NWD2: variants seen among roughly 807,000 people sequenced by gnomAD.
NWD2 encodes NACHT and WD repeat domain containing 2, also known as NACHT and WD repeat domain-containing protein 2.
In NWD2, 37 loss-of-function variants were observed where a neutral mutation model predicts 132.7. The ratio of observed to expected loss-of-function variants is 0.28; its 90% CI spans 0.21 to 0.37. The LOEUF (loss-of-function observed/expected upper bound fraction) is 0.37. NWD2 is among the 10% of genes least tolerant of loss of function. The pLI is 1.00. For missense variants in NWD2, 1,592 were observed against 2,122.4 expected (o/e 0.75, Z 4.91); for synonymous variants, 705 against 803.0 (o/e 0.88, Z 2.06).
At chr4:37,356,594 A>G in intron 3 of NWD2, 112 bp downstream of exon 3, 2 of 673,114 alleles carry the variant, frequency 3.0e-6, no homozygotes, top group Admixed American at 2.5e-5. Context: ...AGACTTTTTT[A>G]TGTCTATTTA....
chr4:37,445,657 T>C lies in NWD2; in HGVS notation c.3669T>C (p.Ala1223=), dbSNP rs530122686. Residue 1223 remains alanine, a synonymous_variant, in exon 7 of 7, where the codon GCT becomes GCC. Transcript: ENST00000309447. This position sits in a 1 kb window ranked among gnomAD's most constrained non-coding sequence, Gnocchi z 4.7. The part of the protein sequence containing the change: ...ELLDTGLWKV[A]EKFRAKHNER... ...TAGATACTGGTCTGTGGAAGGTGGC[T>C]GAAAAGTTCAGAGCCAAGCACAACG... 2.6e-6 allele frequency: 4 copies of C among 1,552,218 alleles called. No individual in the cohort carries two copies. In the South Asian group the frequency reaches 4.8e-5, roughly 18 times the overall value.
intron 4 of NWD2, among the ~76,000 whole-genome samples, chr4:37,432,763 C>T (rs1039310907): frequency 2.0e-5 from 3 of 152,148 alleles, no homozygotes; most frequent in African/African-American, 7.2e-5. Context: ...GAGACTGATT[C>T]ATGCTTGAGC....
intron 2 of NWD2, among the ~76,000 whole-genome samples, chr4:37,347,435 G>C (rs1300444585): frequency 1.3e-5 from 2 of 151,906 alleles, no homozygotes; most frequent in African/African-American, 4.8e-5. Context: ...CATCTGATCT[G>C]TTTACAGTTT....
chr4:37,358,190 G>A (rs1552022), intron 3 of NWD2, among the ~76,000 whole-genome samples: 143,073 of 152,174 alleles, frequency 0.94, 67,922 homozygotes, highest in East Asian at 1. Flanking sequence ...GTTTTACCTC[G>A]AGTGACAGGA....
At chr4:37,430,184 C>A (rs1443631630) in intron 3 of NWD2, among the ~76,000 whole-genome samples, 1 of 152,118 alleles carries the variant, frequency 6.6e-6, no homozygotes, top group Non-Finnish European at 1.5e-5. Context: ...CTTGACAGAG[C>A]AGTTCTTTGG....
At chr4:37,373,951 C>T (rs913902755) in intron 3 of NWD2, among the ~76,000 whole-genome samples, 4 of 152,150 alleles carry the variant, frequency 2.6e-5, no homozygotes, top group Non-Finnish European at 4.4e-5. Flanking sequence ...GCAGAGGACT[C>T]GAGACTGAAA....
chr4:37,307,566 C>G (rs898360434), intron 1 of NWD2, among the ~76,000 whole-genome samples: 2 of 152,168 alleles, frequency 1.3e-5, no homozygotes, highest in East Asian at 3.9e-4. Flanking sequence ...TTCTCATTTT[C>G]TCTTTGACTT....
At chr4:37,296,213 T>C (rs947642066) in intron 1 of NWD2, among the ~76,000 whole-genome samples, 3 of 152,212 alleles carry the variant, frequency 2.0e-5, no homozygotes, top group Non-Finnish European at 2.9e-5. Context: ...TTCCTAAGGC[T>C]GTGGGGTGCC....
chr4:37,246,332 C>A (rs758693284), intron 1 of NWD2, among the ~76,000 whole-genome samples: 3 of 152,020 alleles, frequency 2.0e-5, no homozygotes, highest in Middle Eastern at 3.2e-3. Flanking sequence ...ATTACCGTTT[C>A]GGAAAAAATA....
chr4:37,294,311 C>T (rs1356160244), intron 1 of NWD2, among the ~76,000 whole-genome samples: 2 of 152,112 alleles, frequency 1.3e-5, no homozygotes, highest in Non-Finnish European at 2.9e-5. Context: ...TAGGTTATTT[C>T]AGAGAAATCC....
chr4:37,435,609 T>C (rs1421175564), intron 5 of NWD2, among the ~76,000 whole-genome samples: 1 of 152,002 alleles, frequency 6.6e-6, no homozygotes, highest in Admixed American at 6.5e-5. Context: ...AGCTTTCCTA[T>C]TATTTATGTA....
At chr4:37,283,451 T>C (rs997365211) in intron 1 of NWD2, among the ~76,000 whole-genome samples, 9 of 152,218 alleles carry the variant, frequency 5.9e-5, no homozygotes, top group Non-Finnish European at 1.3e-4. Context: ...TAGTTCTGTC[T>C]TATGATAATT....
chr4:37,399,869 A>C (rs1049490249), intron 3 of NWD2, among the ~76,000 whole-genome samples: 1 of 152,158 alleles, frequency 6.6e-6, no homozygotes, highest in East Asian at 1.9e-4. Context: ...AAGAATCAAA[A>C]ATTCTAGGGA....
intron 1 of NWD2, among the ~76,000 whole-genome samples, chr4:37,305,926 T>C (rs1042885938): frequency 5.9e-5 from 9 of 152,178 alleles, no homozygotes; most frequent in Non-Finnish European, 1.3e-4. Context: ...GAATTGTTGT[T>C]AGTCCTTTAA....
intron 1 of NWD2, among the ~76,000 whole-genome samples, chr4:37,312,953 C>T (rs1718880292): frequency 6.6e-6 from 1 of 151,136 alleles, no homozygotes; most frequent in Admixed American, 6.5e-5. Flanking sequence ...TATATTGAAC[C>T]AGCCTTGCAT....
chr4:37,271,839 C>G (rs917820348), intron 1 of NWD2, among the ~76,000 whole-genome samples: 8 of 151,746 alleles, frequency 5.3e-5, no homozygotes, highest in African/African-American at 1.9e-4. Flanking sequence ...TTCCTTTTAT[C>G]TTGAAGGACT....
chr4:37,245,012 G>A lies in NWD2; in HGVS notation c.-56G>A, dbSNP rs905571741. 5.2e-6 allele frequency: 8 copies of A among 1,536,596 alleles called. No individual in the cohort carries two copies. The highest frequency in any genetic ancestry group is 7.0e-6 in the Non-Finnish European group (8 of 1,145,312). ...AGCCGTTCCGTGGAGCTGCGGGCAGGAACCCGAGGAGCAGGAGGTGGCGGC... is the reference window on the plus strand; with the variant it reads ...AGCCGTTCCGTGGAGCTGCGGGCAGAAACCCGAGGAGCAGGAGGTGGCGGC... On this transcript the variant is annotated 5_prime_UTR_variant, in exon 1 of 7. Coordinates refer to ENST00000309447, the MANE Select transcript of NWD2 (RefSeq NM_001144990.2).
chr4:37,282,318 G>GA (rs879313625), intron 1 of NWD2, among the ~76,000 whole-genome samples: 7 of 151,836 alleles, frequency 4.6e-5, no homozygotes, highest in South Asian at 2.1e-4. Context: ...CTTGAGGTAG[G>GA]AAAAAAAATG....
intron 1 of NWD2, among the ~76,000 whole-genome samples, chr4:37,295,645 C>T (rs34089886): frequency 0.16 from 24,358 of 152,140 alleles, 2,101 homozygotes; most frequent in Non-Finnish European, 0.19. Flanking sequence ...TACTAGGTTA[C>T]CAGTGATTCC....
Sources: gnomAD v4.1 joint callset for allele counts (sites outside exome capture counted in the v4.1 genomes callset) on GRCh38, gnomAD v4.1.1 for gene constraint, Gnocchi (gnomAD v3.1) non-coding constraint, MANE v1.5 for transcripts, NCBI Gene and HGNC (gene_info 2026-07-23, HGNC 2026-07-21) for gene names.